WDSUB1: variants seen among roughly 807,000 people sequenced by gnomAD.
WDSUB1 encodes WD repeat, sterile alpha motif and U-box domain containing 1.
Under a neutral mutation model 53.9 loss-of-function variants are expected in WDSUB1, and 49 were observed. The observed-to-expected ratio is 0.91, with a 90% confidence interval of 0.72 to 1.15. The LOEUF (loss-of-function observed/expected upper bound fraction) is 1.15. Among genes scored for constraint, WDSUB1 ranks in the 50% most tolerant of loss-of-function variants. WDSUB1 has a pLI of 0.00. For missense variants in WDSUB1, 514 were observed against 562.0 expected (o/e 0.91, Z 0.86); for synonymous variants, 194 against 200.6 (o/e 0.97, Z 0.28).
chr2:159,244,343 C>T (rs548795839), intron 10 of WDSUB1, among the ~76,000 whole-genome samples: 18 of 149,934 alleles, frequency 1.2e-4, no homozygotes, highest in Non-Finnish European at 2.4e-4. Context: ...AACAGCCCTA[C>T]ATATCTAAGG....
At chr2:159,284,885 T>A (rs2151164872) in intron 1 of WDSUB1, among the ~76,000 whole-genome samples, 1 of 152,244 alleles carries the variant, frequency 6.6e-6, no homozygotes, top group Middle Eastern at 3.4e-3. Context: ...ATAAAGCGGT[T>A]TTCTCAAGCT....
intron 10 of WDSUB1, among the ~76,000 whole-genome samples, chr2:159,247,514 T>C (rs929041742): frequency 1.5e-4 from 23 of 152,038 alleles, no homozygotes; most frequent in African/African-American, 5.6e-4. Context: ...CAGGTACAAT[T>C]AGATATATTA....
intron 10 of WDSUB1, among the ~76,000 whole-genome samples, chr2:159,236,745 C>A (rs6704743): frequency 0.028 from 4,331 of 152,248 alleles, 197 homozygotes; most frequent in African/African-American, 0.094. Flanking sequence ...GCAAGCTCCA[C>A]CTCCCAAGTA....
At chr2:159,271,587 T>C (rs2061444277) in intron 5 of WDSUB1, 115 bp downstream of exon 5, 1 of 885,234 alleles carries the variant, frequency 1.1e-6, no homozygotes, top group Non-Finnish European at 1.8e-6. Context: ...AATGTTCTAT[T>C]TCTTGACCTT....
In WDSUB1 at chr2:159,279,856, A is replaced by G. The variant is rs2061616274; in HGVS notation, c.488T>C (p.Leu163Ser). The G allele has an allele frequency of 6.2e-7, 1 of 1,612,712 alleles. No homozygotes were observed. The highest frequency in any genetic ancestry group is 1.1e-5 in the South Asian group (1 of 90,942). Reference protein sequence around the residue: ...FFVTGSSCGDLTVWDDKMRCL... With the variant: ...FFVTGSSCGDSTVWDDKMRCL... ...CCTCATTTTATCATCCCACACTGTT[A>G]AATCACCACATGAGGAGCCAGTGAC... The change falls in exon 3 of 11, where the codon TTA becomes TCA. Residue 163 changes from leucine (L) to serine (S), a missense_variant. Leu to Ser is a moderately radical substitution (Grantham distance 145). Coordinates refer to ENST00000359774, the MANE Select transcript of WDSUB1 (RefSeq NM_001128212.3).
intron 5 of WDSUB1, among the ~76,000 whole-genome samples, chr2:159,266,815 C>A (rs980914151): frequency 2.0e-5 from 3 of 152,138 alleles, no homozygotes; most frequent in African/African-American, 7.2e-5. Flanking sequence ...ACTCTGTTGC[C>A]TAGGCTGGAG....
chr2:159,278,547 T>C (rs890421598), intron 3 of WDSUB1, among the ~76,000 whole-genome samples: 3 of 152,298 alleles, frequency 2.0e-5, no homozygotes, highest in Non-Finnish European at 4.4e-5. Context: ...AAAAAGACTA[T>C]ATCAAAATTA....
rs1202456231 is a variant in WDSUB1, at chr2:159,258,134, A to G, written c.805-149T>C. The G allele has an allele frequency of 4.4e-6, 3 of 686,600 alleles. No homozygotes were observed. The East Asian group carries it at 8.2e-5, about 19-fold the overall frequency. 42.5% of individuals were successfully genotyped at this position (686,600 alleles called of 1,614,324 possible). A position where few individuals can be genotyped will look rare whatever the true frequency, so the allele number is the denominator to read the frequency against. ...TAAGTTGAAACTTTACTCAATGAAT[A>G]GCAGAAACAGCATCTGTAACAGCAT... On this transcript the variant is annotated intron_variant, in intron 6 of 10. Transcript: ENST00000359774.
At chr2:159,285,110 T>C (rs533503559) in intron 1 of WDSUB1, among the ~76,000 whole-genome samples, 3 of 152,388 alleles carry the variant, frequency 2.0e-5, no homozygotes, top group African/African-American at 7.2e-5. Context: ...CTTTGCCATC[T>C]TGCTCATTTC....
intron 10 of WDSUB1, among the ~76,000 whole-genome samples, chr2:159,240,275 C>T (rs2060609501): frequency 6.6e-6 from 1 of 152,176 alleles, no homozygotes; most frequent in Non-Finnish European, 1.5e-5. Context: ...CATGCATTCA[C>T]TTGTTGATGG....
rs773864190 is a variant in WDSUB1 at position 159,256,383 on chromosome 2, TAAAC to T, written c.953-12_953-9del. ...GATGTTCTGTGCGCCTTGCTTAAAA[TAAAC>T]AAACAAGTAAGTGAGATAACAAAAA... On this transcript the variant is annotated splice_polypyrimidine_tract_variant and intron_variant, in intron 8 of 10. Coordinates refer to ENST00000359774, the MANE Select transcript of WDSUB1 (RefSeq NM_001128212.3). The T allele has an allele frequency of 5.6e-5, 89 of 1,601,472 alleles. No homozygotes were observed. Among genetic ancestry groups the T allele is most frequent in the Middle Eastern group, 3.3e-4 (2 of 6,052 alleles).
At chr2:159,275,496 T>C (rs1171630047) in intron 4 of WDSUB1, 50 bp downstream of exon 4, 1 of 1,438,270 alleles carries the variant, frequency 7.0e-7, no homozygotes, top group Non-Finnish European at 9.4e-7. Context: ...AAATAGAAAT[T>C]TTATCCAGAC....
intron 2 of WDSUB1, among the ~76,000 whole-genome samples, chr2:159,280,528 A>G (rs1305585511): frequency 6.7e-6 from 1 of 149,642 alleles, no homozygotes; most frequent in Non-Finnish European, 1.5e-5. Flanking sequence ...CGTCTCTACT[A>G]AAAATACAAA....
chr2:159,248,935 G>A (rs2151069913), intron 9 of WDSUB1, among the ~76,000 whole-genome samples: 1 of 152,284 alleles, frequency 6.6e-6, no homozygotes, highest in Admixed American at 6.5e-5. Flanking sequence ...ACTACCACCA[G>A]AAATCTTCTG....
chr2:159,240,834 T>C (rs1316074856), intron 10 of WDSUB1, among the ~76,000 whole-genome samples: 1 of 152,092 alleles, frequency 6.6e-6, no homozygotes, highest in Admixed American at 6.5e-5. Flanking sequence ...AGGACAACTA[T>C]AGTAACTGAA....
At chr2:159,265,169 A>G (rs1428076692) in intron 5 of WDSUB1, among the ~76,000 whole-genome samples, 2 of 151,920 alleles carry the variant, frequency 1.3e-5, no homozygotes, top group Non-Finnish European at 2.9e-5. Context: ...GCACACACCT[A>G]TAGTTCCAGC....
intron 10 of WDSUB1, among the ~76,000 whole-genome samples, 175 bp from the exon 11 acceptor site, chr2:159,236,365 T>C (rs1383418063): frequency 1.3e-5 from 2 of 152,142 alleles, no homozygotes; most frequent in South Asian, 4.1e-4. Context: ...CTGAAATGCA[T>C]TGATTGGATG....
At chr2:159,275,482 G>C in intron 4 of WDSUB1, 64 bp downstream of exon 4, 1 of 1,338,070 alleles carries the variant, frequency 7.5e-7, no homozygotes, top group Non-Finnish European at 1.0e-6. Flanking sequence ...TAAGTAAAAA[G>C]ATTAAATAGA....
chr2:159,266,351 G>T (rs1369377008), intron 5 of WDSUB1, among the ~76,000 whole-genome samples: 1 of 152,088 alleles, frequency 6.6e-6, no homozygotes, highest in African/African-American at 2.4e-5. Context: ...ACAACGCCCG[G>T]CTAATTTTTT....
Sources: allele counts gnomAD v4.1 joint callset (sites outside exome capture counted in the v4.1 genomes callset), GRCh38; gene constraint gnomAD v4.1.1; transcripts MANE v1.5; gene names NCBI Gene and HGNC (gene_info 2026-07-23, HGNC 2026-07-21).